Variants in CACNA1G observed in about 807,000 individuals in gnomAD.
The protein encoded by CACNA1G is voltage-dependent T-type calcium channel subunit alpha-1G.
Under a neutral mutation model 219.4 loss-of-function variants are expected in CACNA1G, and 67 were observed. The observed-to-expected ratio is 0.31, with a 90% CI of 0.25 to 0.37. The LOEUF is 0.37. Among genes scored for constraint, CACNA1G ranks in the 10% least tolerant of loss-of-function variants. CACNA1G has a pLI of 1.00. For missense variants in CACNA1G, 2,380 were observed against 3,231.4 expected (o/e 0.74, Z 6.39); for synonymous variants, 1,296 against 1,345.3 (o/e 0.96, Z 0.80).
chr17:50,569,615 G>A lies in CACNA1G; in HGVS notation c.489-91G>A, dbSNP rs1354785599. On this transcript the variant is annotated intron_variant, in intron 3 of 37. Coordinates refer to ENST00000359106, the MANE Select transcript of CACNA1G (RefSeq NM_018896.5). Reference sequence around the variant, plus strand: ...AGAAGAAGGAGTCAGAGGTCATCCTGCTGCCCCTAAAGCAGGATTCCTCAT... The same window carrying A: ...AGAAGAAGGAGTCAGAGGTCATCCTACTGCCCCTAAAGCAGGATTCCTCAT... 5.8e-5 allele frequency: 52 copies of A among 891,288 alleles called. No individual in the cohort carries two copies. In the East Asian group the frequency reaches 1.2e-3, roughly 21 times the overall value. 55.2% of individuals were successfully genotyped at this position (891,288 alleles called of 1,614,324 possible).
chr17:50,601,819 G>T (rs2145815318), intron 19 of CACNA1G, among the ~76,000 whole-genome samples: 1 of 152,230 alleles, frequency 6.6e-6, no homozygotes, highest in African/African-American at 2.4e-5. Context: ...ATGGGTGGGG[G>T]GTGGTTGTGT....
chr17:50,601,263 C>G, intron 19 of CACNA1G, 89 bp downstream of exon 19: 1 of 1,506,204 alleles, frequency 6.6e-7, no homozygotes, highest in Non-Finnish European at 9.1e-7. Context: ...CAGTTGCTGA[C>G]CTGCAAGTCA....
chr17:50,611,663 A>C (rs1481154228), intron 26 of CACNA1G, among the ~76,000 whole-genome samples: 1 of 152,178 alleles, frequency 6.6e-6, no homozygotes, highest in Non-Finnish European at 1.5e-5. Flanking sequence ...GGAGGGAAGA[A>C]GTGGCCTTCA....
At chr17:50,589,800 C>T (rs2043824411) in intron 9 of CACNA1G, among the ~76,000 whole-genome samples, 1 of 152,276 alleles carries the variant, frequency 6.6e-6, no homozygotes, top group East Asian at 1.9e-4. Context: ...GGCTGAGGCT[C>T]CAGGTGTCTC....
intron 9 of CACNA1G, among the ~76,000 whole-genome samples, chr17:50,581,804 C>G (rs1472757697): frequency 6.6e-6 from 1 of 152,232 alleles, no homozygotes; most frequent in Non-Finnish European, 1.5e-5. Context: ...CATGTGTGCC[C>G]CATCCGCTCA....
intron 7 of CACNA1G, among the ~76,000 whole-genome samples, chr17:50,574,177 G>A (rs2040078283): frequency 6.6e-6 from 1 of 152,204 alleles, no homozygotes; most frequent in South Asian, 2.1e-4. Context: ...CAGAAAGTAA[G>A]CGGCTGGGGC....
At chr17:50,566,892 G>A (rs1023990448) in intron 1 of CACNA1G, among the ~76,000 whole-genome samples, 3 of 152,234 alleles carry the variant, frequency 2.0e-5, no homozygotes, top group African/African-American at 7.2e-5. Context: ...TCTGCCATTA[G>A]AGGGGTCCAA....
intron 1 of CACNA1G, among the ~76,000 whole-genome samples, chr17:50,564,201 T>G (rs2036980673): frequency 6.8e-6 from 1 of 147,876 alleles, no homozygotes; most frequent in African/African-American, 2.6e-5. Flanking sequence ...AAGTGCAAGC[T>G]TTGGTGTGGA....
intron 10 of CACNA1G, 34 bp from the exon 11 acceptor site, chr17:50,591,401 T>G: frequency 6.7e-7 from 1 of 1,499,702 alleles, no homozygotes; most frequent in Non-Finnish European, 8.9e-7. Context: ...AGGGTGAAGG[T>G]GCAGGGGGCT....
In CACNA1G at chr17:50,626,541, G is replaced by A. The variant is rs60406372; in HGVS notation, c.6924G>A (p.Pro2308=). 64 of 1,577,192 alleles carry A rather than the reference G, an allele frequency of 4.1e-5. No homozygotes were observed. Among genetic ancestry groups the A allele is most frequent in the East Asian group, 2.5e-4 (11 of 43,896 alleles). Residue 2308 remains proline, a synonymous_variant, in exon 38 of 38, where the codon CCG becomes CCA. Coordinates refer to ENST00000359106, the MANE Select transcript of CACNA1G (RefSeq NM_018896.5). This position sits in a 1 kb window ranked among gnomAD's most constrained non-coding sequence, Gnocchi z 4.3. The stretch of plus-strand genomic sequence containing the variant: ...GCCGGCCCAAGAAAAAACTCAGCCC[G>A]CCTAGTATCACCATAGACCCCCCCG... The part of the protein sequence containing the change: ...PGSRPKKKLS[P]PSITIDPPES...
At chr17:50,612,780 T>TC (rs996621516) in intron 26 of CACNA1G, among the ~76,000 whole-genome samples, 3 of 152,184 alleles carry the variant, frequency 2.0e-5, no homozygotes, top group African/African-American at 7.2e-5. Context: ...GATATGCCCT[T>TC]CCCCCCACTG....
At chr17:50,594,900 C>T (rs2045188133) in intron 13 of CACNA1G, 93 bp from the exon 14 acceptor site, 4 of 942,162 alleles carry the variant, frequency 4.2e-6, no homozygotes, top group South Asian at 1.5e-5. Context: ...TTGCGCCCCT[C>T]CTTTTCTTCA....
intron 25 of CACNA1G, 46 bp from the exon 26 acceptor site, chr17:50,609,836 C>T (rs759519813): frequency 2.7e-5 from 42 of 1,582,208 alleles, no homozygotes; most frequent in Admixed American, 2.2e-4. Flanking sequence ...CCCTGCCCAG[C>T]GCACCTGGTC....
At chr17:50,580,836 G>A (rs925605448) in intron 9 of CACNA1G, among the ~76,000 whole-genome samples, 6 of 152,192 alleles carry the variant, frequency 3.9e-5, no homozygotes. Context: ...GGGGTGCGGA[G>A]AGTAAGAAGT....
intron 22 of CACNA1G, 146 bp downstream of exon 22, chr17:50,604,427 C>G (rs2047494022): frequency 9.7e-7 from 1 of 1,033,866 alleles, no homozygotes; most frequent in East Asian, 2.5e-5. Flanking sequence ...GGCTCTAGGC[C>G]CTTTTACCTC....
At position 50,591,517 on chromosome 17, in the gene CACNA1G, C is replaced by T. The variant is rs1365680249; in HGVS notation, c.2536C>T (p.Arg846Cys). The T allele has an allele frequency of 1.2e-6, 2 of 1,610,650 alleles. No homozygotes were observed. The highest frequency in any genetic ancestry group is 1.1e-5 in the South Asian group (1 of 90,292). Reference protein sequence around the residue: ...FRLMRVLKLVRFLPALQRQLV... With the variant: ...FRLMRVLKLVCFLPALQRQLV... ...CCTGATGCGTGTGCTGAAGCTGGTGCGCTTCCTGCCGGCGCTGCAGCGGCA... is the reference window on the plus strand; with the variant it reads ...CCTGATGCGTGTGCTGAAGCTGGTGTGCTTCCTGCCGGCGCTGCAGCGGCA... The change falls in exon 11 of 38, where the codon CGC becomes TGC. Residue 846 changes from arginine (R) to cysteine (C), a missense_variant. Physicochemically the swap from Arg to Cys is radical, Grantham distance 180. Around this residue, in one of 17 missense-constraint regions of CACNA1G, gnomAD observed 82 missense variants for 140.7 expected, o/e 0.58. Coordinates refer to ENST00000359106, the MANE Select transcript of CACNA1G (RefSeq NM_018896.5).
In CACNA1G at chr17:50,621,279, G is replaced by T. The variant is rs1383160537; in HGVS notation, c.5926-381G>T. Among the ~76,000 whole-genome samples, 100 of 146,736 alleles carry T rather than the reference G, an allele frequency of 6.8e-4. No individual in the cohort carries two copies. The highest frequency in any genetic ancestry group is 2.4e-3 in the African/African-American group (93 of 39,450). On this transcript the variant is annotated intron_variant, in intron 34 of 37. Transcript: ENST00000359106. The surrounding 1 kb of genome is among the most constrained non-coding windows in gnomAD (Gnocchi z 4.6). ...GCCTTTCTTCATTTTTTTTTTTTTT[G>T]GTATCATCTTTTTGAGAGTCGCAAG... is the stretch of plus-strand genomic sequence containing the variant.
At chr17:50,611,184 G>A (rs1238165301) in intron 26 of CACNA1G, among the ~76,000 whole-genome samples, 2 of 151,856 alleles carry the variant, frequency 1.3e-5, no homozygotes, top group Non-Finnish European at 2.9e-5. Flanking sequence ...AACCCGGGAG[G>A]CGGAGGTTGC....
At chr17:50,612,323 G>A (rs769404898) in intron 26 of CACNA1G, among the ~76,000 whole-genome samples, 4 of 152,264 alleles carry the variant, frequency 2.6e-5, no homozygotes, top group Admixed American at 6.5e-5. Flanking sequence ...AAAGGCAGAA[G>A]AGCGGAGCCT....
Sources: gnomAD v4.1 joint callset for allele counts (sites outside exome capture counted in the v4.1 genomes callset) on GRCh38, gnomAD v4.1.1 for gene constraint, gnomAD v4.1.1 regional missense constraint, Gnocchi (gnomAD v3.1) non-coding constraint, MANE v1.5 for transcripts, NCBI Gene and HGNC (gene_info 2026-07-23, HGNC 2026-07-21) for gene names.